Variants in ADGRV1 observed in about 807,000 individuals in gnomAD.
The protein encoded by ADGRV1 is adhesion G protein-coupled receptor V1, also known as G-protein coupled receptor 98.
Under a neutral mutation model 596.2 loss-of-function variants are expected in ADGRV1, and 359 were observed. The ratio of observed to expected loss-of-function variants is 0.60; its 90% CI spans 0.55 to 0.66. The LOEUF (loss-of-function observed/expected upper bound fraction) is 0.66. Among genes scored for constraint, ADGRV1 ranks in the 30% least tolerant of loss-of-function variants. ADGRV1 has a pLI of 0.00. For synonymous variants in ADGRV1, 2,681 were observed against 2,679.2 expected (o/e 1.00, Z -0.02); for missense variants, 7,274 against 7,575.6 (o/e 0.96, Z 1.48).
At chr5:90,743,658 A>G (rs1754255268) in intron 50 of ADGRV1, among the ~76,000 whole-genome samples, 1 of 151,524 alleles carries the variant, frequency 6.6e-6, no homozygotes, top group South Asian at 2.1e-4. Flanking sequence ...TTTTTAGTAG[A>G]AACAGGGTTT....
rs1304691673 is a variant in ADGRV1 at position 90,596,159 on chromosome 5, G to A, written c.23-18676G>A. Among the ~76,000 whole-genome samples the A allele has an allele frequency of 2.4e-3, 353 of 145,404 alleles. 2 individuals carry two copies. The highest frequency in any genetic ancestry group is 7.7e-3 in the African/African-American group (299 of 38,870). On this transcript the variant is annotated intron_variant, in intron 1 of 89. Transcript: ENST00000405460. The stretch of plus-strand genomic sequence containing the variant: ...CTCCTCACATCCCAGACAGGGCGGC[G>A]GGGCAGAGGCGCTCCCCACATCCCA...
At chr5:90,941,863 CG>C (rs1776191684) in intron 83 of ADGRV1, among the ~76,000 whole-genome samples, 1 of 152,060 alleles carries the variant, frequency 6.6e-6, no homozygotes, top group Non-Finnish European at 1.5e-5. Context: ...TTAAATTTTC[CG>C]TGGTAATTGT....
intron 1 of ADGRV1, among the ~76,000 whole-genome samples, chr5:90,583,182 T>A (rs899553609): frequency 6.6e-6 from 1 of 152,198 alleles, no homozygotes; most frequent in Non-Finnish European, 1.5e-5. Flanking sequence ...CTAGCTTTTA[T>A]AAGTCAGTAG....
intron 38 of ADGRV1, among the ~76,000 whole-genome samples, chr5:90,707,302 C>T (rs1748725681): frequency 6.6e-6 from 1 of 152,022 alleles, no homozygotes; most frequent in South Asian, 2.1e-4. Flanking sequence ...AAATGGTACT[C>T]ACGGAGGGAG....
intron 85 of ADGRV1, among the ~76,000 whole-genome samples, chr5:91,041,648 A>AAG (rs932058683): frequency 1.2e-4 from 18 of 149,972 alleles, no homozygotes; most frequent in Non-Finnish European, 1.6e-4. Context: ...AAAAAAAAAA[A>AAG]AGAGAGAGAG....
At position 90,645,958 on chromosome 5, in the gene ADGRV1, T is replaced by G. The variant is rs1475107028; in HGVS notation, c.2899-10T>G. The G allele has an allele frequency of 6.3e-7, 1 of 1,579,114 alleles. No homozygotes were observed. Among genetic ancestry groups the G allele is most frequent in the East Asian group, 2.3e-5 (1 of 44,120 alleles). ...GTCACCTGACTTAAAACGTGTAACA[T>G]TTTCCAAAGATTCCAGAAGAAATGG... On this transcript the variant is annotated splice_polypyrimidine_tract_variant and intron_variant, in intron 15 of 89. Coordinates refer to ENST00000405460, the MANE Select transcript of ADGRV1 (RefSeq NM_032119.4).
At chr5:91,131,709 A>G (rs904508244) in intron 87 of ADGRV1, among the ~76,000 whole-genome samples, 1 of 151,968 alleles carries the variant, frequency 6.6e-6, no homozygotes, top group Non-Finnish European at 1.5e-5. Context: ...TGTCAGATGG[A>G]TAGTTTGCAA....
Position 90,657,121 on chromosome 5 carries a change from T to C in ADGRV1, c.4379-784T>C, listed in dbSNP as rs190426568. Among the ~76,000 whole-genome samples, 362 of 151,582 alleles carry C rather than the reference T, an allele frequency of 2.4e-3. 2 individuals carry two copies. The highest frequency in any genetic ancestry group is 7.7e-3 in the African/African-American group (320 of 41,392). Reference sequence around the variant, plus strand: ...ATAATATAGTACTGAAGTTTAAAAATTGTGATGAGGCTAGGTGCAGTGGCC... The same window carrying C: ...ATAATATAGTACTGAAGTTTAAAAACTGTGATGAGGCTAGGTGCAGTGGCC... On this transcript the variant is annotated intron_variant, in intron 20 of 89. Coordinates refer to ENST00000405460, the MANE Select transcript of ADGRV1 (RefSeq NM_032119.4).
In ADGRV1 at chr5:90,617,900, G is replaced by T; in HGVS notation, c.304G>T (p.Asp102Tyr). 6.3e-7 allele frequency: 1 copy of T among 1,595,726 alleles called. No individual in the cohort carries two copies. Among genetic ancestry groups the T allele is most frequent in the Non-Finnish European group, 8.5e-7 (1 of 1,169,808 alleles). ...TNRTVYIAVC[D>Y]DDLPEPDETF... Reference sequence around the variant, plus strand: ...CAGAACAGTGTACATAGCAGTATGTGATGATGACTTACCAGAGCCTGACGA... The same window carrying T: ...CAGAACAGTGTACATAGCAGTATGTTATGATGACTTACCAGAGCCTGACGA... Residue 102 changes from aspartate (D) to tyrosine (Y), a missense_variant, in exon 3 of 90, where the codon GAT (aspartate) becomes TAT (tyrosine). Transcript: ENST00000405460.
intron 83 of ADGRV1, among the ~76,000 whole-genome samples, chr5:90,902,387 T>G (rs1771929332): frequency 6.6e-6 from 1 of 152,148 alleles, no homozygotes; most frequent in Non-Finnish European, 1.5e-5. Flanking sequence ...AAGACCAGAC[T>G]ATTTCCACAT....
chr5:90,755,192 C>A lies in ADGRV1; in HGVS notation c.11580+7C>A. ...CGAAGTTTCCATTTTGCCGGTAAGT[C>A]AAGGCTGCAAAGAATGTGATCTAAA... On this transcript the variant is annotated splice_region_variant and intron_variant, in intron 55 of 89. Transcript: ENST00000405460. 2 of 1,582,496 alleles carry A rather than the reference C, an allele frequency of 1.3e-6. No homozygotes were observed. Among genetic ancestry groups the A allele is most frequent in the South Asian group, 2.3e-5 (2 of 87,930 alleles).
At chr5:90,960,506 G>A (rs962085866) in intron 83 of ADGRV1, among the ~76,000 whole-genome samples, 8 of 151,984 alleles carry the variant, frequency 5.3e-5, no homozygotes, top group South Asian at 2.1e-4. Context: ...GACAGTTTTC[G>A]AAGACATTAA....
At chr5:90,821,245 G>A (rs1044028221) in intron 75 of ADGRV1, among the ~76,000 whole-genome samples, 132 of 150,278 alleles carry the variant, frequency 8.8e-4, no homozygotes, top group African/African-American at 2.8e-3. Context: ...CGTAGTTCTC[G>A]AGCCTTGGTT....
At chr5:90,868,126 T>C (rs1768307500) in intron 83 of ADGRV1, among the ~76,000 whole-genome samples, 1 of 152,134 alleles carries the variant, frequency 6.6e-6, no homozygotes. Flanking sequence ...GGTTTCCGGA[T>C]CCTACTTGTT....
chr5:90,928,000 T>A (rs1348636443), intron 83 of ADGRV1, among the ~76,000 whole-genome samples: 1 of 152,304 alleles, frequency 6.6e-6, no homozygotes, highest in East Asian at 1.9e-4. Flanking sequence ...CCAGGAGATC[T>A]GCTGTTAGTC....
intron 7 of ADGRV1, among the ~76,000 whole-genome samples, chr5:90,628,315 T>C (rs546964131): frequency 2.6e-4 from 39 of 152,118 alleles, no homozygotes; most frequent in Non-Finnish European, 4.7e-4. Context: ...GGGAGGCTAA[T>C]GCAGGAGGAT....
chr5:90,821,728 C>T (rs575413129), intron 75 of ADGRV1, among the ~76,000 whole-genome samples: 7 of 150,432 alleles, frequency 4.7e-5, no homozygotes, highest in East Asian at 3.9e-4. Context: ...TAGGCTGCTT[C>T]GGGGTCAGGG....
At chr5:90,962,003 C>T (rs774778355) in intron 83 of ADGRV1, among the ~76,000 whole-genome samples, 73 of 152,118 alleles carry the variant, frequency 4.8e-4, no homozygotes, top group Non-Finnish European at 7.2e-4. Context: ...GGACTGTGCT[C>T]GATTTAGCTT....
At chr5:90,609,015 A>T (rs1762430139) in intron 1 of ADGRV1, among the ~76,000 whole-genome samples, 2 of 152,202 alleles carry the variant, frequency 1.3e-5, no homozygotes, top group Admixed American at 1.3e-4. Flanking sequence ...GACAATAAAC[A>T]TATTCCCAAC....
Sources: gnomAD v4.1 joint callset for allele counts (sites outside exome capture counted in the v4.1 genomes callset) on GRCh38, gnomAD v4.1.1 for gene constraint, MANE v1.5 for transcripts, NCBI Gene and HGNC (gene_info 2026-07-23, HGNC 2026-07-21) for gene names.